Variants in KCNMA1 observed in about 807,000 individuals in gnomAD.
The protein encoded by KCNMA1 is Calcium-activated potassium channel subunit alpha-1.
Under a neutral mutation model 140.0 loss-of-function variants are expected in KCNMA1, and 29 were observed. That is an observed-to-expected ratio of 0.21 (90% CI 0.15 to 0.28). KCNMA1 has a LOEUF of 0.28. Ranked by LOEUF, KCNMA1 falls within the 10% of genes least tolerant of loss-of-function variation. The probability of loss-of-function intolerance (pLI) is 1.00; values close to 1 mark genes in which losing one functional copy is unlikely to be tolerated. For missense variants in KCNMA1, 880 were observed against 1,602.2 expected (o/e 0.55, Z 7.70); for synonymous variants, 612 against 611.9 (o/e 1.00, Z 0.00).
At chr10:77,460,675 A>G (rs746201921) in intron 1 of KCNMA1, among the ~76,000 whole-genome samples, 8 of 152,236 alleles carry the variant, frequency 5.3e-5, no homozygotes, top group Non-Finnish European at 8.8e-5. Context: ...AAAGTCAGAC[A>G]GAAAGTGATG....
chr10:77,314,916 C>T (rs573581004), intron 2 of KCNMA1, among the ~76,000 whole-genome samples: 224 of 128,770 alleles, frequency 1.7e-3, no homozygotes, highest in African/African-American at 6.6e-3. Flanking sequence ...GACACCACCA[C>T]ACCCCCAACA....
At chr10:77,403,386 A>G (rs900318659) in intron 2 of KCNMA1, among the ~76,000 whole-genome samples, 28 of 152,182 alleles carry the variant, frequency 1.8e-4, no homozygotes, top group African/African-American at 6.5e-4. Context: ...CAGCTCACAC[A>G]CTGCAGAAAA....
chr10:77,557,295 G>A (rs2064843386), intron 1 of KCNMA1, among the ~76,000 whole-genome samples: 1 of 152,208 alleles, frequency 6.6e-6, no homozygotes. Flanking sequence ...GGGCTGATGA[G>A]TTATGGGCAT....
intron 6 of KCNMA1, among the ~76,000 whole-genome samples, chr10:77,115,792 T>C (rs2153905845): frequency 6.6e-6 from 1 of 152,340 alleles, no homozygotes; most frequent in South Asian, 2.1e-4. Context: ...CTCTGAAATC[T>C]GATTATTTTT....
chr10:77,095,776 G>A (rs1442382077), intron 9 of KCNMA1, among the ~76,000 whole-genome samples: 3 of 152,138 alleles, frequency 2.0e-5, no homozygotes, highest in Non-Finnish European at 4.4e-5. Flanking sequence ...AAGCCTGCAT[G>A]CCCAAGTTGA....
intron 2 of KCNMA1, among the ~76,000 whole-genome samples, chr10:77,313,693 T>C (rs991181101): frequency 1.6e-4 from 24 of 152,288 alleles, no homozygotes; most frequent in Admixed American, 1.3e-3. Context: ...ATTTACCTTA[T>C]ATCAATGTGG....
downstream of KCNMA1, among the ~76,000 whole-genome samples, chr10:76,881,796 C>T (rs994769882): frequency 6.6e-6 from 1 of 152,044 alleles, no homozygotes; most frequent in Non-Finnish European, 1.5e-5. Context: ...TGGATTGTGG[C>T]AGCAGAGGTG....
intron 5 of KCNMA1, among the ~76,000 whole-genome samples, chr10:77,129,258 T>C (rs976438482): frequency 6.6e-6 from 1 of 152,242 alleles, no homozygotes; most frequent in Admixed American, 6.5e-5. Flanking sequence ...AAGATTCTAA[T>C]GTACAGCCAG....
rs147460953 is a variant in KCNMA1, at chr10:77,268,219, C to T, written c.541-16963G>A. On this transcript the variant is annotated intron_variant, in intron 2 of 27. Coordinates refer to ENST00000286628, the MANE Select transcript of KCNMA1 (RefSeq NM_001161352.2). ...TTGAGAATCTGCAGTGCTCCTGTAG[C>T]CACTCTAGGAGAGTTTCTAGTTCTC... Among the ~76,000 whole-genome samples, 24 of 152,292 alleles carry T rather than the reference C, an allele frequency of 1.6e-4. No individual in the cohort carries two copies. In the East Asian group the frequency reaches 4.4e-3, roughly 28 times the overall value.
intron 1 of KCNMA1, among the ~76,000 whole-genome samples, chr10:77,512,576 C>A (rs573759622): frequency 1.9e-4 from 29 of 152,236 alleles, no homozygotes; most frequent in Admixed American, 1.8e-3. Flanking sequence ...TGGAATGTAA[C>A]CCCTAAAGAT....
At chr10:77,577,296 C>T (rs1176025648) in intron 1 of KCNMA1, among the ~76,000 whole-genome samples, 3 of 152,142 alleles carry the variant, frequency 2.0e-5, no homozygotes, top group Non-Finnish European at 4.4e-5. Context: ...GATCCACTCG[C>T]CTCGGCCTCC....
chr10:76,914,114 C>A, intron 24 of KCNMA1: 1 of 1,550,336 alleles, frequency 6.5e-7, no homozygotes, highest in African/African-American at 1.4e-5. Flanking sequence ...TTGACTGATA[C>A]CAAAGGCAAC....
At chr10:77,485,746 C>G (rs1167121757) in intron 1 of KCNMA1, among the ~76,000 whole-genome samples, 1 of 152,182 alleles carries the variant, frequency 6.6e-6, no homozygotes, top group Non-Finnish European at 1.5e-5. Flanking sequence ...GGATCAGGGT[C>G]AGAGAGCAGG....
intron 18 of KCNMA1, among the ~76,000 whole-genome samples, chr10:77,005,559 G>C (rs571731036): frequency 6.6e-6 from 1 of 152,262 alleles, no homozygotes; most frequent in African/African-American, 2.4e-5. Flanking sequence ...AGAAATACAA[G>C]GCTCTAGGGA....
At position 77,563,844 on chromosome 10, in the gene KCNMA1, C is replaced by G. The variant is rs890027398; in HGVS notation, c.378+73421G>C. On this transcript the variant is annotated intron_variant, in intron 1 of 27. Coordinates refer to ENST00000286628, the MANE Select transcript of KCNMA1 (RefSeq NM_001161352.2). ...CGCGTAGCACACCCACGGCAAGACT[C>G]CAGTCCCTGGTCCCGGCTCTGCCAC... is the stretch of plus-strand genomic sequence containing the variant. 2.0e-5 allele frequency among the ~76,000 whole-genome samples: 3 copies of G among 152,342 alleles called. 1 individual carries two copies. The Middle Eastern group carries it at 0.01, about 518-fold the overall frequency.
At chr10:77,322,942 C>T (rs1342496583) in intron 2 of KCNMA1, among the ~76,000 whole-genome samples, 4 of 152,162 alleles carry the variant, frequency 2.6e-5, no homozygotes, top group Non-Finnish European at 4.4e-5. Context: ...AATTTATGAG[C>T]ATTTTGAAAG....
chr10:77,117,304 T>C (rs959497059), intron 6 of KCNMA1, among the ~76,000 whole-genome samples: 1 of 151,956 alleles, frequency 6.6e-6, no homozygotes, highest in Non-Finnish European at 1.5e-5. Flanking sequence ...ATCCCAGCAC[T>C]TTGGGAGGCC....
intron 2 of KCNMA1, among the ~76,000 whole-genome samples, chr10:77,359,436 G>T (rs559670052): frequency 6.6e-6 from 1 of 152,258 alleles, no homozygotes; most frequent in Non-Finnish European, 1.5e-5. Context: ...AACAACACAG[G>T]CCTGTGGGGT....
intron 23 of KCNMA1, among the ~76,000 whole-genome samples, chr10:76,930,747 A>C (rs1380425672): frequency 6.6e-6 from 1 of 152,064 alleles, no homozygotes; most frequent in Non-Finnish European, 1.5e-5. Flanking sequence ...TGAGTAGATA[A>C]AGAAAATATG....
Sources: allele counts gnomAD v4.1 joint callset (sites outside exome capture counted in the v4.1 genomes callset), GRCh38; gene constraint gnomAD v4.1.1; transcripts MANE v1.5; gene names NCBI Gene and HGNC (gene_info 2026-07-23, HGNC 2026-07-21).